The following CDKAL1 variants were observed in gnomAD, a reference collection of about 807,000 sequenced individuals.
CDKAL1 encodes the protein threonylcarbamoyladenosine tRNA methylthiotransferase.
A neutral mutation model predicts 68.2 loss-of-function variants in CDKAL1; 32 were observed. The ratio of observed to expected loss-of-function variants is 0.47; its 90% CI spans 0.35 to 0.63. The LOEUF is 0.63. Among genes scored for constraint, CDKAL1 ranks in the 30% least tolerant of loss-of-function variants. The probability of loss-of-function intolerance (pLI) is 0.00; values close to 1 mark genes in which losing one functional copy is unlikely to be tolerated. For synonymous variants in CDKAL1, 234 were observed against 244.3 expected (o/e 0.96, Z 0.39); for missense variants, 606 against 696.7 (o/e 0.87, Z 1.47).
At chr6:21,152,217 A>G (rs1269884571) in intron 13 of CDKAL1, among the ~76,000 whole-genome samples, 1 of 151,968 alleles carries the variant, frequency 6.6e-6, no homozygotes, top group Admixed American at 6.6e-5. Flanking sequence ...TAAACTCTCA[A>G]TCAGATCCCT....
intron 11 of CDKAL1, among the ~76,000 whole-genome samples, chr6:21,010,951 G>A (rs1023093760): frequency 4.6e-5 from 7 of 151,426 alleles, no homozygotes; most frequent in Non-Finnish European, 7.4e-5. Flanking sequence ...GCATGGTGGC[G>A]GGCACCTGTA....
intron 13 of CDKAL1, among the ~76,000 whole-genome samples, chr6:21,152,198 T>C (rs1776442448): frequency 6.6e-6 from 1 of 152,218 alleles, no homozygotes; most frequent in South Asian, 2.1e-4. Context: ...ACCAAGTTCT[T>C]TCTTCCCCTA....
intron 4 of CDKAL1, among the ~76,000 whole-genome samples, chr6:20,634,765 G>T (rs567797453): frequency 5.3e-5 from 8 of 152,104 alleles, no homozygotes; most frequent in African/African-American, 1.9e-4. Flanking sequence ...ATCACCTGAG[G>T]TCAGGAGTTT....
At chr6:20,900,598 A>C (rs1761914443) in intron 9 of CDKAL1, among the ~76,000 whole-genome samples, 3 of 152,214 alleles carry the variant, frequency 2.0e-5, no homozygotes, top group Admixed American at 2.0e-4. Flanking sequence ...GTGCTTATTC[A>C]AAGAGTTTCC....
chr6:20,811,899 C>A (rs1776835234), intron 8 of CDKAL1, among the ~76,000 whole-genome samples: 2 of 151,566 alleles, frequency 1.3e-5, no homozygotes, highest in Admixed American at 6.6e-5. Context: ...AAATGTCTAT[C>A]AAACAATTTT....
At chr6:20,602,149 A>G (rs1997777) in intron 4 of CDKAL1, among the ~76,000 whole-genome samples, 48,518 of 152,092 alleles carry the variant, frequency 0.32, 8,150 homozygotes, top group Middle Eastern at 0.45. Context: ...TGTAGATGCA[A>G]AAACCAAGTC....
chr6:20,826,861 A>G (rs1039294576), intron 8 of CDKAL1, among the ~76,000 whole-genome samples: 23 of 152,044 alleles, frequency 1.5e-4, no homozygotes, highest in African/African-American at 3.4e-4. Flanking sequence ...TTATACTTGT[A>G]TATTGTTCAC....
intron 7 of CDKAL1, among the ~76,000 whole-genome samples, chr6:20,768,148 T>TGG (rs1285161923): frequency 5.9e-5 from 9 of 152,154 alleles, no homozygotes; most frequent in Non-Finnish European, 1.5e-5. Context: ...TGGGTGCTGT[T>TGG]GGGTGCTGCT....
intron 4 of CDKAL1, among the ~76,000 whole-genome samples, chr6:20,617,560 C>T (rs1766976494): frequency 6.6e-6 from 1 of 152,114 alleles, no homozygotes; most frequent in Admixed American, 6.6e-5. Context: ...AATGTTATCC[C>T]TCCCCCTGTC....
At chr6:21,012,559 T>G (rs918562589) in intron 11 of CDKAL1, among the ~76,000 whole-genome samples, 1 of 152,162 alleles carries the variant, frequency 6.6e-6, no homozygotes, top group Non-Finnish European at 1.5e-5. Context: ...TAAGAGAATA[T>G]TTAAAGCTCC....
chr6:20,778,785 T>A lies in CDKAL1; in HGVS notation c.518-2360T>A, dbSNP rs576749395. Among the ~76,000 whole-genome samples the A allele has an allele frequency of 2.3e-3, 346 of 152,172 alleles. 2 individuals carry two copies. Among genetic ancestry groups the A allele is most frequent in the African/African-American group, 7.9e-3 (329 of 41,494 alleles). ...GCTCGTACAGACAGTCAGGAGGAGC[T>A]CACTTTTAGCCTTTTTTTTTAAATT... is the stretch of plus-strand genomic sequence containing the variant. On this transcript the variant is annotated intron_variant, in intron 7 of 15. Coordinates refer to ENST00000274695, the MANE Select transcript of CDKAL1 (RefSeq NM_017774.3).
chr6:21,191,868 C>G (rs1015854654), intron 13 of CDKAL1, among the ~76,000 whole-genome samples: 1 of 151,918 alleles, frequency 6.6e-6, no homozygotes, highest in East Asian at 1.9e-4. Flanking sequence ...TTCCCAGCAG[C>G]CCTGAGAGGT....
intron 11 of CDKAL1, among the ~76,000 whole-genome samples, chr6:21,017,337 G>A (rs1292776885): frequency 6.6e-6 from 1 of 152,212 alleles, no homozygotes; most frequent in African/African-American, 2.4e-5. Context: ...TCAGAATCTT[G>A]TAGTAGAAGC....
intron 2 of CDKAL1, among the ~76,000 whole-genome samples, chr6:20,546,052 C>T (rs775161661): frequency 7.9e-5 from 12 of 151,542 alleles, no homozygotes; most frequent in Non-Finnish European, 1.5e-4. Context: ...TGAAACAGTT[C>T]CTCTCCTACT....
At chr6:20,748,996 T>C (rs1773797177) in intron 6 of CDKAL1, among the ~76,000 whole-genome samples, 1 of 149,282 alleles carries the variant, frequency 6.7e-6, no homozygotes, top group Admixed American at 6.6e-5. Context: ...TGTATGTGTG[T>C]GTATATATAT....
chr6:20,706,574 C>T (rs531840903), intron 5 of CDKAL1, among the ~76,000 whole-genome samples: 1 of 152,132 alleles, frequency 6.6e-6, no homozygotes, highest in African/African-American at 2.4e-5. Context: ...TTTAAGGTGT[C>T]CTCTAACTTT....
chr6:20,777,699 C>T (rs963529815), intron 7 of CDKAL1, among the ~76,000 whole-genome samples: 9 of 152,186 alleles, frequency 5.9e-5, no homozygotes, highest in Middle Eastern at 3.4e-3. Context: ...ATGAGTCTCC[C>T]CTTAACCATG....
intron 4 of CDKAL1, among the ~76,000 whole-genome samples, chr6:20,572,436 T>C (rs1321354800): frequency 2.0e-5 from 3 of 152,166 alleles, no homozygotes; most frequent in Non-Finnish European, 4.4e-5. Context: ...ATATGGCATG[T>C]CTGGATCCAG....
chr6:21,000,135 G>A (rs1767351606), intron 10 of CDKAL1, 92 bp from the exon 11 acceptor site: 2 of 927,114 alleles, frequency 2.2e-6, no homozygotes, highest in Non-Finnish European at 3.3e-6. Context: ...CAGCTAGTAT[G>A]TTTATTTGCT....
Sources: gnomAD v4.1 joint callset for allele counts (sites outside exome capture counted in the v4.1 genomes callset) on GRCh38, gnomAD v4.1.1 for gene constraint, MANE v1.5 for transcripts, NCBI Gene and HGNC (gene_info 2026-07-23, HGNC 2026-07-21) for gene names.